TBCEL: variants seen among roughly 807,000 people sequenced by gnomAD.
The protein encoded by TBCEL is tubulin-specific chaperone cofactor E-like protein.
In TBCEL, 15 loss-of-function variants were observed where a neutral mutation model predicts 44.2. That is an observed-to-expected ratio of 0.34 (90% CI 0.23 to 0.52). TBCEL has a LOEUF of 0.52. TBCEL is among the 20% of genes least tolerant of loss of function. TBCEL has a pLI of 0.95. For synonymous variants in TBCEL, 171 were observed against 185.4 expected, an observed-to-expected ratio of 0.92 and a Z score of 0.63; for missense variants, 319 against 506.3, an observed-to-expected ratio of 0.63 and a Z score of 3.55.
intron 3 of TBCEL, among the ~76,000 whole-genome samples, chr11:121,047,080 A>C (rs1171274186): frequency 6.6e-6 from 1 of 152,062 alleles, no homozygotes; most frequent in East Asian, 1.9e-4. Flanking sequence ...TCAGAGGCAC[A>C]AAAGATAAAG....
chr11:121,028,503 G>C (rs966318058), intron 1 of TBCEL, among the ~76,000 whole-genome samples: 3 of 152,194 alleles, frequency 2.0e-5, no homozygotes, highest in African/African-American at 7.2e-5. Flanking sequence ...TCCTGGCTCT[G>C]TCACTAGCTC....
intron 2 of TBCEL, among the ~76,000 whole-genome samples, chr11:121,040,721 T>TA (rs531377584): frequency 1.0e-3 from 152 of 152,248 alleles, no homozygotes; most frequent in African/African-American, 3.0e-3. Flanking sequence ...ATGAAGACAT[T>TA]AAAAAACCCT....
chr11:121,086,930 A>G lies in TBCEL; in HGVS notation c.1109A>G (p.Lys370Arg). The G allele has an allele frequency of 6.2e-7, 1 of 1,614,096 alleles. No individual in the cohort carries two copies. The highest frequency in any genetic ancestry group is 1.1e-5 in the South Asian group (1 of 91,074). The change falls in exon 9 of 9, where the codon AAA becomes AGA. Residue 370 changes from lysine to arginine, a missense_variant. Lys to Arg is a conservative substitution (Grantham distance 26). Coordinates refer to ENST00000683345, the MANE Select transcript of TBCEL (RefSeq NM_001363644.2). ...RLDQTVAELK[K>R]QLKTLVQLPT... Reference sequence around the variant, plus strand: ...GACCAAACAGTGGCAGAACTAAAGAAACAGTTAAAAACTCTAGTACAATTA... The same window carrying G: ...GACCAAACAGTGGCAGAACTAAAGAGACAGTTAAAAACTCTAGTACAATTA...
chr11:121,077,349 G>A (rs1946051233), intron 8 of TBCEL, among the ~76,000 whole-genome samples: 1 of 152,042 alleles, frequency 6.6e-6, no homozygotes, highest in African/African-American at 2.4e-5. Context: ...TTCTTCTTGA[G>A]TGAGCTTTAG....
intron 4 of TBCEL, chr11:121,047,935 T>TA (rs141948107): frequency 0.13 from 14,835 of 115,054 alleles, 1,225 homozygotes; most frequent in African/African-American, 0.23. Flanking sequence ...ATCTTTAATT[T>TA]AAAAAAAAAA....
intron 2 of TBCEL, 59 bp from the exon 3 acceptor site, chr11:121,045,615 A>G: frequency 7.2e-7 from 1 of 1,394,518 alleles, no homozygotes; most frequent in Non-Finnish European, 9.7e-7. Flanking sequence ...TTCAATAAAT[A>G]CTTCTTATGT....
chr11:121,082,967 T>C (rs1450689849), intron 8 of TBCEL, among the ~76,000 whole-genome samples: 2 of 152,194 alleles, frequency 1.3e-5, no homozygotes, highest in Non-Finnish European at 2.9e-5. Context: ...TCTAGTCATT[T>C]GGAAGCCTCT....
intron 8 of TBCEL, among the ~76,000 whole-genome samples, chr11:121,080,879 T>C (rs1196571130): frequency 2.0e-5 from 3 of 152,236 alleles, no homozygotes; most frequent in Admixed American, 6.5e-5. Context: ...TAAAATCTGC[T>C]GTTATGTAAC....
chr11:121,028,885 A>G (rs1565489429), intron 1 of TBCEL, among the ~76,000 whole-genome samples: 2 of 152,248 alleles, frequency 1.3e-5, no homozygotes, highest in African/African-American at 4.8e-5. Context: ...GTATCAAATT[A>G]GCATGTTAGG....
chr11:121,048,924 T>C (rs887914807), intron 4 of TBCEL, among the ~76,000 whole-genome samples: 1 of 151,900 alleles, frequency 6.6e-6, no homozygotes, highest in African/African-American at 2.4e-5. Flanking sequence ...CCCAAGTTGC[T>C]ATTCCTCTGT....
At chr11:121,067,319 T>A (rs964293605) in intron 8 of TBCEL, among the ~76,000 whole-genome samples, 1 of 152,214 alleles carries the variant, frequency 6.6e-6, no homozygotes, top group Non-Finnish European at 1.5e-5. Context: ...AAAATCTGAA[T>A]CATTTGAATT....
chr11:121,069,961 G>A (rs1945896355), intron 8 of TBCEL, among the ~76,000 whole-genome samples: 1 of 152,128 alleles, frequency 6.6e-6, no homozygotes, highest in African/African-American at 2.4e-5. Context: ...GAAGTTAAGT[G>A]GAGAGATTTT....
chr11:121,025,355 G>A (rs1945026996), intron 1 of TBCEL, among the ~76,000 whole-genome samples: 1 of 151,828 alleles, frequency 6.6e-6, no homozygotes, highest in Non-Finnish European at 1.5e-5. Flanking sequence ...TCACTCTTTG[G>A]GTCCTGAGAT....
At chr11:121,063,454 C>G (rs1323245439) in intron 8 of TBCEL, among the ~76,000 whole-genome samples, 2 of 152,172 alleles carry the variant, frequency 1.3e-5, no homozygotes, top group African/African-American at 4.8e-5. Flanking sequence ...ATTGCTGCAT[C>G]TAGTTCCCAG....
At chr11:121,031,256 C>T (rs1430718143) in intron 1 of TBCEL, among the ~76,000 whole-genome samples, 9 of 152,152 alleles carry the variant, frequency 5.9e-5, no homozygotes, top group Non-Finnish European at 1.5e-5. Context: ...CTTTACTAGA[C>T]AGTAATAAAT....
intron 4 of TBCEL, 135 bp downstream of exon 4, chr11:121,047,802 T>C: frequency 3.6e-6 from 4 of 1,111,344 alleles, no homozygotes; most frequent in Non-Finnish European, 5.1e-6. Flanking sequence ...GTATATCTTA[T>C]TGTCTGTATG....
chr11:121,087,407 A>G lies in TBCEL; in HGVS notation c.*311A>G. The G allele has an allele frequency of 3.0e-6, 1 of 337,132 alleles. No homozygotes were observed. The highest frequency in any genetic ancestry group is 3.3e-5 in the South Asian group (1 of 29,852). The allele number at this position is 337,132 out of a possible 1,614,324, so 20.9% of individuals were successfully genotyped here. ...ACTGGGATTTGCCTGCCACTTGGTT[A>G]TCATTACTGTTGGGTGAACCTGTGA... On this transcript the variant is annotated 3_prime_UTR_variant, in exon 9 of 9. Transcript: ENST00000683345.
chr11:121,084,638 T>C (rs944247940), intron 8 of TBCEL, among the ~76,000 whole-genome samples: 8 of 152,300 alleles, frequency 5.3e-5, no homozygotes, highest in African/African-American at 1.4e-4. Flanking sequence ...TTGACATTGT[T>C]TCTTTTGTTA....
chr11:121,039,681 A>T (rs1591384428), intron 2 of TBCEL, among the ~76,000 whole-genome samples: 2 of 152,254 alleles, frequency 1.3e-5, no homozygotes, highest in Admixed American at 6.5e-5. Context: ...TTACTAAACA[A>T]TTGGTAAGGA....
Sources: allele counts gnomAD v4.1 joint callset (sites outside exome capture counted in the v4.1 genomes callset), GRCh38; gene constraint gnomAD v4.1.1; transcripts MANE v1.5; gene names NCBI Gene and HGNC (gene_info 2026-07-23, HGNC 2026-07-21).